The following ABLIM3 variants were observed in gnomAD, a reference collection of about 807,000 sequenced individuals.
ABLIM3 encodes the protein actin-binding LIM protein 3.
ABLIM3 carries 61 observed loss-of-function variants against 109.5 expected under a neutral mutation model. The observed-to-expected ratio is 0.56, with a 90% confidence interval of 0.45 to 0.69. ABLIM3 has a LOEUF of 0.69. Among genes scored for constraint, ABLIM3 ranks in the 30% least tolerant of loss-of-function variants. The probability of loss-of-function intolerance (pLI) is 0.00; values close to 1 mark genes in which losing one functional copy is unlikely to be tolerated. For synonymous variants in ABLIM3, 300 were observed against 324.8 expected, an observed-to-expected ratio of 0.92 and a Z score of 0.82; for missense variants, 796 against 889.5, an observed-to-expected ratio of 0.89 and a Z score of 1.34.
chr5:149,200,536 G>A (rs1444021131), intron 5 of ABLIM3, 108 bp downstream of exon 5: 7 of 1,145,314 alleles, frequency 6.1e-6, no homozygotes, highest in Non-Finnish European at 8.9e-6. Context: ...AGTGGGAGAG[G>A]TTCCCAACCT....
At chr5:149,234,731 G>A (rs1762179313) in intron 10 of ABLIM3, among the ~76,000 whole-genome samples, 1 of 152,292 alleles carries the variant, frequency 6.6e-6, no homozygotes, top group East Asian at 1.9e-4. Flanking sequence ...TGTGAATGGG[G>A]CCAGACCACA....
intron 15 of ABLIM3, 41 bp downstream of exon 15, chr5:149,242,579 G>A (rs781571571): frequency 1.7e-5 from 27 of 1,608,522 alleles, no homozygotes; most frequent in Middle Eastern, 1.7e-4. Context: ...CACAAGGAGA[G>A]GGGGGAGGTT....
intron 5 of ABLIM3, among the ~76,000 whole-genome samples, chr5:149,206,730 G>C (rs1401208919): frequency 6.6e-6 from 1 of 152,146 alleles, no homozygotes; most frequent in East Asian, 1.9e-4. Flanking sequence ...GAGGAGGGCT[G>C]GAAGCAGTGC....
chr5:149,250,372 G>C, intron 19 of ABLIM3, 75 bp from the exon 20 acceptor site: 1 of 1,488,300 alleles, frequency 6.7e-7, no homozygotes, highest in Non-Finnish European at 9.4e-7. Context: ...GTTGGCCATT[G>C]GTAGCCAGAT....
chr5:149,180,020 A>T (rs978990649), intron 2 of ABLIM3, among the ~76,000 whole-genome samples: 2 of 152,164 alleles, frequency 1.3e-5, no homozygotes, highest in Admixed American at 1.3e-4. Flanking sequence ...ACATTTCAGA[A>T]ATCAATCACA....
intron 2 of ABLIM3, among the ~76,000 whole-genome samples, chr5:149,153,653 G>T (rs554289487): frequency 6.6e-6 from 1 of 152,338 alleles, no homozygotes; most frequent in South Asian, 2.1e-4. Context: ...CCGGAACAGT[G>T]GAAGGACTTG....
At chr5:149,225,972 GTGTGTGTGTGTATATATATATATATA>G (rs1480100414) in intron 8 of ABLIM3, among the ~76,000 whole-genome samples, 28 of 73,940 alleles carry the variant, frequency 3.8e-4, no homozygotes, top group East Asian at 1.7e-3. Flanking sequence ...GTGTGTGTGT[GTGTGTGTGTGTATATATATATATATA>G]TATATATATA....
chr5:149,157,550 G>C (rs1019679134), intron 2 of ABLIM3, among the ~76,000 whole-genome samples: 1 of 122,528 alleles, frequency 8.2e-6, no homozygotes, highest in Non-Finnish European at 1.6e-5. Context: ...TATGACTTAT[G>C]CTAGCCAATC....
chr5:149,202,861 A>G (rs1244782513), intron 5 of ABLIM3, among the ~76,000 whole-genome samples: 3 of 151,988 alleles, frequency 2.0e-5, no homozygotes, highest in East Asian at 1.9e-4. Flanking sequence ...CACCATCACC[A>G]TCACCACAAT....
chr5:149,199,971 C>T (rs1758341231), intron 4 of ABLIM3, among the ~76,000 whole-genome samples: 1 of 152,156 alleles, frequency 6.6e-6, no homozygotes, highest in Non-Finnish European at 1.5e-5. Flanking sequence ...GAATTCTTAA[C>T]ATATGGGGAT....
intron 2 of ABLIM3, among the ~76,000 whole-genome samples, chr5:149,160,537 G>A (rs1754261419): frequency 6.6e-6 from 1 of 152,044 alleles, no homozygotes; most frequent in South Asian, 2.1e-4. Flanking sequence ...CATGAACTTT[G>A]GTTTATAAAC....
chr5:149,227,619 G>T (rs1389103062), intron 8 of ABLIM3, among the ~76,000 whole-genome samples: 1 of 152,226 alleles, frequency 6.6e-6, no homozygotes, highest in East Asian at 1.9e-4. Flanking sequence ...CCTCCAGGGA[G>T]TTGGCGTCAG....
At chr5:149,170,046 G>A (rs1216097285) in intron 2 of ABLIM3, among the ~76,000 whole-genome samples, 2 of 152,010 alleles carry the variant, frequency 1.3e-5, no homozygotes, top group African/African-American at 4.8e-5. Context: ...TTTGCGTCAT[G>A]GGGGTTCGTT....
chr5:149,205,173 G>T (rs1758852569), intron 5 of ABLIM3, among the ~76,000 whole-genome samples: 1 of 152,192 alleles, frequency 6.6e-6, no homozygotes, highest in Admixed American at 6.5e-5. Context: ...GATTATTCTT[G>T]ATGCGTAAGA....
intron 2 of ABLIM3, among the ~76,000 whole-genome samples, chr5:149,172,514 G>T (rs900275513): frequency 1.3e-5 from 2 of 152,146 alleles, no homozygotes; most frequent in African/African-American, 4.8e-5. Flanking sequence ...AGAATATTCT[G>T]TTCTTCCAGA....
chr5:149,147,566 A>G (rs1753051660), intron 2 of ABLIM3, among the ~76,000 whole-genome samples: 1 of 152,014 alleles, frequency 6.6e-6, no homozygotes, highest in Admixed American at 6.6e-5. Flanking sequence ...ATCTGCCTTT[A>G]GTTGAAAAAG....
In ABLIM3 at chr5:149,245,024, C is replaced by T. The variant is rs758550664; in HGVS notation, c.1486+9C>T. On this transcript the variant is annotated intron_variant, in intron 16 of 23. Transcript: ENST00000309868. ...CCATGGGTCCCCCAAAGGTAGTACC[C>T]CCATAGGAGCCTGGGTCCAGGGCCC... is the stretch of plus-strand genomic sequence containing the variant. The T allele has an allele frequency of 6.2e-7, 1 of 1,614,016 alleles. No individual in the cohort carries two copies. Among genetic ancestry groups the T allele is most frequent in the African/African-American group, 1.3e-5 (1 of 74,914 alleles).
chr5:149,258,202 A>G, intron 23 of ABLIM3, 89 bp from the exon 24 acceptor site: 3 of 1,169,948 alleles, frequency 2.6e-6, no homozygotes, highest in Non-Finnish European at 3.7e-6. Flanking sequence ...TGCAGCACCC[A>G]CTGCTGCCTC....
chr5:149,182,190 G>A (rs187708396), intron 2 of ABLIM3, among the ~76,000 whole-genome samples: 46 of 152,320 alleles, frequency 3.0e-4, no homozygotes, highest in African/African-American at 1.1e-3. Flanking sequence ...AGGTTGCTGT[G>A]AGTCCAGATT....
Sources: allele counts gnomAD v4.1 joint callset (sites outside exome capture counted in the v4.1 genomes callset), GRCh38; gene constraint gnomAD v4.1.1; transcripts MANE v1.5; gene names NCBI Gene and HGNC (gene_info 2026-07-23, HGNC 2026-07-21).